FHIT: variants seen among roughly 807,000 people sequenced by gnomAD.
FHIT encodes the protein bis(5'-adenosyl)-triphosphatase.
Under a neutral mutation model 17.9 loss-of-function variants are expected in FHIT, and 19 were observed. That is an observed-to-expected ratio of 1.06 (90% CI 0.74 to 1.56). The LOEUF is 1.56. FHIT is among the 40% of genes most tolerant of loss of function. The pLI is 0.00. For missense variants in FHIT, 248 were observed against 189.2 expected (o/e 1.31, Z -1.82); for synonymous variants, 81 against 69.7 (o/e 1.16, Z -0.81).
At chr3:59,776,791 C>T (rs1473447978) in intron 8 of FHIT, among the ~76,000 whole-genome samples, 1 of 152,212 alleles carries the variant, frequency 6.6e-6, no homozygotes, top group Non-Finnish European at 1.5e-5. Flanking sequence ...CATTTCACAA[C>T]AGCCCTTTGT....
At chr3:59,792,993 C>A (rs141312862) in intron 8 of FHIT, among the ~76,000 whole-genome samples, 2 of 152,020 alleles carry the variant, frequency 1.3e-5, no homozygotes, top group Non-Finnish European at 2.9e-5. Context: ...CATCCGCCTG[C>A]ACTGTGACTG....
intron 5 of FHIT, among the ~76,000 whole-genome samples, chr3:60,347,689 G>GGTTTTTTTTTTT: frequency 1.2e-5 from 1 of 85,304 alleles, no homozygotes; most frequent in Non-Finnish European, 2.4e-5. Flanking sequence ...GGGGGGGGGG[G>GGTTTTTTTTTTT]TTTGTTTTTT....
chr3:60,674,962 C>T (rs1432665418), intron 4 of FHIT, among the ~76,000 whole-genome samples: 1 of 152,174 alleles, frequency 6.6e-6, no homozygotes, highest in African/African-American at 2.4e-5. Flanking sequence ...TCAGCAGCAA[C>T]AAAGTACAAA....
At chr3:60,376,176 A>T (rs1347035990) in intron 5 of FHIT, among the ~76,000 whole-genome samples, 1 of 152,174 alleles carries the variant, frequency 6.6e-6, no homozygotes, top group Non-Finnish European at 1.5e-5. Flanking sequence ...TGAGATTTTA[A>T]GTAGAGTAAC....
intron 4 of FHIT, among the ~76,000 whole-genome samples, chr3:60,626,432 C>G (rs1396540067): frequency 2.0e-5 from 3 of 151,998 alleles, no homozygotes; most frequent in Admixed American, 1.3e-4. Context: ...TTTTTTGTTG[C>G]TTTTAATTTA....
At chr3:60,942,559 T>TTC (rs139616033) in intron 3 of FHIT, among the ~76,000 whole-genome samples, 62 of 150,592 alleles carry the variant, frequency 4.1e-4, no homozygotes, top group African/African-American at 9.9e-4. Flanking sequence ...CTGTTTGTAT[T>TTC]TCTCTCTCTC....
chr3:61,173,217 G>A (rs1166953296), intron 2 of FHIT, among the ~76,000 whole-genome samples: 6 of 152,072 alleles, frequency 3.9e-5, no homozygotes, highest in Non-Finnish European at 8.8e-5. Context: ...CATCTTTCGT[G>A]TGTGGAACCA....
At chr3:60,563,538 A>G (rs933967597) in intron 4 of FHIT, among the ~76,000 whole-genome samples, 1 of 152,234 alleles carries the variant, frequency 6.6e-6, no homozygotes, top group Non-Finnish European at 1.5e-5. Context: ...CTCTTGGGCC[A>G]AACAGCCACG....
chr3:60,750,971 G>A (rs781843015), intron 4 of FHIT, among the ~76,000 whole-genome samples: 3 of 152,120 alleles, frequency 2.0e-5, no homozygotes, highest in Non-Finnish European at 2.9e-5. Context: ...GTGTTCCCAA[G>A]TGCAACTCCC....
chr3:60,336,484 T>G lies in FHIT; in HGVS notation c.103+200376A>C, dbSNP rs143832968. ...TAGCCCAAATTTTGGAACTTGAAAA[T>G]AGTTTAAAGTTCCCTTATAAATTTC... On this transcript the variant is annotated intron_variant, in intron 5 of 9. Transcript: ENST00000492590. Among the ~76,000 whole-genome samples the G allele has an allele frequency of 5.4e-3, 828 of 152,256 alleles. 6 individuals are homozygous for G. The highest frequency in any genetic ancestry group is 0.022 in the South Asian group (106 of 4,822).
intron 4 of FHIT, among the ~76,000 whole-genome samples, chr3:60,660,729 C>CTTTTTTT: frequency 0.042 from 1,563 of 37,104 alleles, 341 homozygotes; most frequent in African/African-American, 0.063. Context: ...TTATTGTGCT[C>CTTTTTTT]TTTTTTTTTT....
chr3:61,149,923 T>C (rs1031132621), intron 2 of FHIT, among the ~76,000 whole-genome samples: 3 of 152,010 alleles, frequency 2.0e-5, no homozygotes. Context: ...AGAAAACTGG[T>C]AAAAACTAGG....
intron 2 of FHIT, among the ~76,000 whole-genome samples, chr3:61,089,441 T>A (rs1198458024): frequency 6.6e-6 from 1 of 152,226 alleles, no homozygotes; most frequent in Non-Finnish European, 1.5e-5. Flanking sequence ...TCAATCTCTA[T>A]GGATTTGCCC....
intron 2 of FHIT, among the ~76,000 whole-genome samples, chr3:61,130,888 G>T (rs1416396412): frequency 6.6e-6 from 1 of 152,084 alleles, no homozygotes; most frequent in African/African-American, 2.4e-5. Flanking sequence ...AACCCTTTGG[G>T]TTTCATGATT....
At chr3:60,699,759 AC>A in intron 4 of FHIT, among the ~76,000 whole-genome samples, 1 of 148,834 alleles carries the variant, frequency 6.7e-6, no homozygotes, top group African/African-American at 2.6e-5. Context: ...AAATACACAC[AC>A]ACACACACAC....
chr3:61,013,891 A>C (rs2031931418), intron 3 of FHIT, among the ~76,000 whole-genome samples: 1 of 152,240 alleles, frequency 6.6e-6, no homozygotes, highest in Non-Finnish European at 1.5e-5. Context: ...AAACAAAGGG[A>C]AAAATATATT....
chr3:60,851,169 G>T (rs1703139232), intron 3 of FHIT, among the ~76,000 whole-genome samples: 1 of 152,146 alleles, frequency 6.6e-6, no homozygotes, highest in African/African-American at 2.4e-5. Flanking sequence ...AAAGATAGCT[G>T]AGTGGCATCT....
At chr3:60,194,646 G>C (rs759097744) in intron 5 of FHIT, among the ~76,000 whole-genome samples, 31 of 152,094 alleles carry the variant, frequency 2.0e-4, no homozygotes, top group Non-Finnish European at 3.8e-4. Context: ...ACAGTAAAAA[G>C]CCCACAGAAT....
chr3:59,860,105 G>C (rs1702342910), intron 8 of FHIT, among the ~76,000 whole-genome samples: 1 of 152,176 alleles, frequency 6.6e-6, no homozygotes, highest in African/African-American at 2.4e-5. Flanking sequence ...CTACCCTTCT[G>C]TCGGTTTGAA....
Sources: allele counts gnomAD v4.1 joint callset (sites outside exome capture counted in the v4.1 genomes callset), GRCh38; gene constraint gnomAD v4.1.1; transcripts MANE v1.5; gene names NCBI Gene and HGNC (gene_info 2026-07-23, HGNC 2026-07-21).